The following KAZN variants were observed in gnomAD, a reference collection of about 807,000 sequenced individuals.
KAZN encodes the protein kazrin, periplakin interacting protein.
A neutral mutation model predicts 87.4 loss-of-function variants in KAZN; 40 were observed. The observed-to-expected ratio is 0.46, with a 90% CI of 0.36 to 0.60. The LOEUF is 0.60. Among genes scored for constraint, KAZN ranks in the 20% least tolerant of loss-of-function variants. The probability of loss-of-function intolerance (pLI) is 0.00; values close to 1 mark genes in which losing one functional copy is unlikely to be tolerated. For missense variants in KAZN, 898 were observed against 1,073.9 expected (o/e 0.84, Z 2.29); for synonymous variants, 466 against 458.3 (o/e 1.02, Z -0.22).
Position 15,094,543 on chromosome 1 carries a change from G to A in KAZN, c.1428+158G>A, listed in dbSNP as rs1156313158. On this transcript the variant is annotated intron_variant, in intron 9 of 14. Coordinates refer to ENST00000376030, the MANE Select transcript of KAZN (RefSeq NM_201628.3). The surrounding 1 kb of genome is among the most constrained non-coding windows in gnomAD (Gnocchi z 4.5). ...TCAGCCTCTGATGTACCTGCTCATT[G>A]TGCCTCCCTGGCAAGGCAGAGAGCC... Among the ~76,000 whole-genome samples the A allele has an allele frequency of 1.3e-5, 2 of 152,184 alleles. No individual in the cohort carries two copies. The highest frequency in any genetic ancestry group is 2.9e-5 in the Non-Finnish European group (2 of 68,014).
At chr1:14,188,542 G>T (rs1646360294) in intron 2 of KAZN, among the ~76,000 whole-genome samples, 1 of 152,102 alleles carries the variant, frequency 6.6e-6, no homozygotes, top group African/African-American at 2.4e-5. Context: ...GGTAAGAGTT[G>T]TTCGAATTTC....
At chr1:14,524,935 C>G (rs1006781173) in intron 2 of KAZN, among the ~76,000 whole-genome samples, 2 of 152,220 alleles carry the variant, frequency 1.3e-5, no homozygotes, top group Non-Finnish European at 2.9e-5. Context: ...GGAGACCCAG[C>G]AAGGTCTGGA....
At chr1:14,528,886 T>C (rs1019023774) in intron 2 of KAZN, among the ~76,000 whole-genome samples, 1 of 152,128 alleles carries the variant, frequency 6.6e-6, no homozygotes. Context: ...ACTTTATTCA[T>C]GTCCCTCTCG....
At chr1:14,747,961 G>C (rs1160121371) in intron 1 of KAZN, among the ~76,000 whole-genome samples, 1 of 152,178 alleles carries the variant, frequency 6.6e-6, no homozygotes, top group African/African-American at 2.4e-5. Flanking sequence ...TAGGTTTCCA[G>C]CTTGATCATT....
chr1:15,090,467 G>GCCGGT (rs1305616130), intron 8 of KAZN, among the ~76,000 whole-genome samples: 3 of 152,360 alleles, frequency 2.0e-5, no homozygotes, highest in Non-Finnish European at 4.4e-5. Context: ...TGCAAGCCAT[G>GCCGGT]CCGGTCCGTG....
intron 2 of KAZN, among the ~76,000 whole-genome samples, chr1:14,260,822 A>G (rs965540298): frequency 2.0e-5 from 3 of 152,182 alleles, no homozygotes; most frequent in Admixed American, 2.0e-4. Flanking sequence ...CATTTTCCAG[A>G]TGAGGCTCAA....
intron 2 of KAZN, among the ~76,000 whole-genome samples, chr1:14,292,476 T>C (rs1490158249): frequency 2.6e-5 from 4 of 152,040 alleles, no homozygotes; most frequent in Non-Finnish European, 5.9e-5. Flanking sequence ...CTGCGAGATA[T>C]AGGGATAGGC....
intron 1 of KAZN, among the ~76,000 whole-genome samples, chr1:14,838,766 C>T (rs959420393): frequency 2.0e-5 from 3 of 152,108 alleles, no homozygotes; most frequent in South Asian, 2.1e-4. Flanking sequence ...GAATTACAGG[C>T]GCTTGCCACC....
At chr1:14,618,961 G>T (rs562443000) in intron 1 of KAZN, among the ~76,000 whole-genome samples, 1 of 152,290 alleles carries the variant, frequency 6.6e-6, no homozygotes, top group East Asian at 1.9e-4. Flanking sequence ...GGGTCTTTGG[G>T]CAGAATTTGC....
intron 1 of KAZN, among the ~76,000 whole-genome samples, chr1:14,039,780 C>T (rs927442448): frequency 3.3e-5 from 5 of 152,104 alleles, no homozygotes; most frequent in Admixed American, 6.5e-5. Context: ...GTATGCTGGG[C>T]GACCTCTCCA....
At chr1:13,921,887 T>C (rs970871678) in intron 1 of KAZN, among the ~76,000 whole-genome samples, 1 of 152,122 alleles carries the variant, frequency 6.6e-6, no homozygotes, top group Non-Finnish European at 1.5e-5. Context: ...CGCCTCAGCC[T>C]CCCAAAGTGC....
At chr1:14,838,512 C>T (rs1647550386) in intron 1 of KAZN, among the ~76,000 whole-genome samples, 1 of 152,178 alleles carries the variant, frequency 6.6e-6, no homozygotes, top group Admixed American at 6.5e-5. Flanking sequence ...CTAACTTTAT[C>T]TCCTTCTGTT....
chr1:14,233,741 G>A (rs966332425), intron 2 of KAZN, among the ~76,000 whole-genome samples: 5 of 152,306 alleles, frequency 3.3e-5, no homozygotes, highest in South Asian at 2.1e-4. Context: ...CCTCCACAGT[G>A]TGTCTTTTGT....
intron 1 of KAZN, among the ~76,000 whole-genome samples, chr1:14,951,741 G>T (rs1302639368): frequency 6.6e-6 from 1 of 152,114 alleles, no homozygotes; most frequent in Non-Finnish European, 1.5e-5. Flanking sequence ...GCTTCCCAAA[G>T]TGCTGGGATT....
In KAZN at chr1:14,856,639, G is replaced by A. The variant is rs1048361281; in HGVS notation, c.227-104045G>A. ...TGTGATGCAGCCACACATTCTTTGGGTTTTTACATTTTGGGGAATAAATAG... is the reference window on the plus strand; with the variant it reads ...TGTGATGCAGCCACACATTCTTTGGATTTTTACATTTTGGGGAATAAATAG... On this transcript the variant is annotated intron_variant, in intron 1 of 14. Transcript: ENST00000376030. The surrounding 1 kb of genome is among the most constrained non-coding windows in gnomAD (Gnocchi z 5.2). Among the ~76,000 whole-genome samples, 1 of 152,158 alleles carries A rather than the reference G, an allele frequency of 6.6e-6. No homozygotes were observed. Among genetic ancestry groups the A allele is most frequent in the Non-Finnish European group, 1.5e-5 (1 of 68,030 alleles).
chr1:14,474,787 T>C (rs367761967), intron 2 of KAZN, among the ~76,000 whole-genome samples: 12 of 152,084 alleles, frequency 7.9e-5, no homozygotes, highest in African/African-American at 2.4e-4. Flanking sequence ...GGATGGTGGG[T>C]TCGTCTAGGT....
intron 1 of KAZN, among the ~76,000 whole-genome samples, chr1:14,892,132 C>T (rs1056383057): frequency 1.4e-4 from 22 of 152,202 alleles, no homozygotes; most frequent in Admixed American, 1.2e-3. Flanking sequence ...GTGACCCTGC[C>T]GTCATCTGTG....
rs563913028 is a variant in KAZN, at chr1:15,043,706, C to T, written c.556-283C>T. On this transcript the variant is annotated intron_variant, in intron 3 of 14. Transcript: ENST00000376030. ...TCGCCCAGGCTGGAGTGCAGTGGTG[C>T]GATCTCGGCTCACTGCAAGCTCCAC... 1.0e-4 allele frequency among the ~76,000 whole-genome samples: 14 copies of T among 135,256 alleles called. No homozygotes were observed. The East Asian group carries it at 1.1e-3, about 11-fold the overall frequency. The allele number at this position is 135,256 out of a possible 152,430, so 88.7% of individuals were successfully genotyped here.
chr1:14,333,355 A>G (rs1235038948), intron 2 of KAZN, among the ~76,000 whole-genome samples: 1 of 152,228 alleles, frequency 6.6e-6, no homozygotes, highest in Non-Finnish European at 1.5e-5. Context: ...ATGCATATAC[A>G]TGTATCTTTG....
Sources: allele counts gnomAD v4.1 joint callset (sites outside exome capture counted in the v4.1 genomes callset), GRCh38; gene constraint gnomAD v4.1.1; non-coding constraint Gnocchi (gnomAD v3.1); transcripts MANE v1.5; gene names NCBI Gene and HGNC (gene_info 2026-07-23, HGNC 2026-07-21).